The following MAPRE1 variants were observed in gnomAD, a reference collection of about 807,000 sequenced individuals.
The protein encoded by MAPRE1 is microtubule associated protein RP/EB family member 1.
MAPRE1 carries 5 observed loss-of-function variants against 32.1 expected under a neutral mutation model. That is an observed-to-expected ratio of 0.16 (90% CI 0.08 to 0.33). MAPRE1 has a LOEUF of 0.33. Ranked by LOEUF, MAPRE1 falls within the 10% of genes least tolerant of loss-of-function variation. The pLI is 1.00. For synonymous variants in MAPRE1, 122 were observed against 118.9 expected, an observed-to-expected ratio of 1.03 and a Z score of -0.17; for missense variants, 209 against 327.2, an observed-to-expected ratio of 0.64 and a Z score of 2.79.
intron 6 of MAPRE1, among the ~76,000 whole-genome samples, chr20:32,847,643 TA>T (rs1441442082): frequency 1.3e-5 from 2 of 152,226 alleles, no homozygotes; most frequent in Non-Finnish European, 2.9e-5. Flanking sequence ...AACGAAGATA[TA>T]GGGGGTCCTT....
intron 6 of MAPRE1, 40 bp downstream of exon 6, chr20:32,846,810 A>T: frequency 6.2e-7 from 1 of 1,602,440 alleles, no homozygotes; most frequent in Non-Finnish European, 8.5e-7. Context: ...TCCATTTTAC[A>T]TAGAAGGGTT....
chr20:32,820,791 A>AGGGCAGAGGTC (rs11274745), intron 1 of MAPRE1, among the ~76,000 whole-genome samples: 6,848 of 152,186 alleles, frequency 0.045, 187 homozygotes, highest in East Asian at 0.075. Context: ...CGGATGCTGC[A>AGGGCAGAGGTC]GGGCAGAGCT....
rs71190879 is a variant in MAPRE1, at chr20:32,835,364, G to GTTTTTTTTTTTTTTTT, written c.268-1269_268-1254dup. The stretch of plus-strand genomic sequence containing the variant: ...TTTTTGTGTGTGTGTTTTTATTGGT[G>GTTTTTTTTTTTTTTTT]TTTTTTTTTTTTTTTTGAGATGAGG... On this transcript the variant is annotated intron_variant, in intron 3 of 6. Coordinates refer to ENST00000375571, the MANE Select transcript of MAPRE1 (RefSeq NM_012325.3). 2.9e-3 allele frequency among the ~76,000 whole-genome samples: 309 copies of GTTTTTTTTTTTTTTTT among 106,612 alleles called. 74 individuals carry two copies. Among genetic ancestry groups the GTTTTTTTTTTTTTTTT allele is most frequent in the African/African-American group, 0.014 (291 of 21,420 alleles). 69.9% of individuals were successfully genotyped at this position (106,612 alleles called of 152,430 possible). A position where few individuals can be genotyped will look rare whatever the true frequency, so the allele number is the denominator to read the frequency against.
chr20:32,828,716 A>G (rs1415880054), intron 2 of MAPRE1, among the ~76,000 whole-genome samples: 2 of 152,198 alleles, frequency 1.3e-5, no homozygotes, highest in African/African-American at 4.8e-5. Flanking sequence ...CTCCTTTTAC[A>G]GATGAGGAGA....
intron 2 of MAPRE1, among the ~76,000 whole-genome samples, chr20:32,829,230 C>T: frequency 6.6e-6 from 1 of 152,104 alleles, no homozygotes; most frequent in Non-Finnish European, 1.5e-5. Context: ...AGTTTTGTCT[C>T]ATGTCTGCTA....
At chr20:32,826,557 G>C (rs1445088859) in intron 2 of MAPRE1, among the ~76,000 whole-genome samples, 22 of 91,956 alleles carry the variant, frequency 2.4e-4, no homozygotes, top group Middle Eastern at 0.012. Context: ...GATGGGGTCT[G>C]GCGCTATTGC....
rs747882078 is a variant in MAPRE1, at chr20:32,839,755, A to G, written c.496A>G (p.Thr166Ala). The G allele has an allele frequency of 4.3e-6, 7 of 1,614,050 alleles. No individual in the cohort carries two copies. Among genetic ancestry groups the G allele is most frequent in the Non-Finnish European group, 5.9e-6 (7 of 1,180,030 alleles). The change falls in exon 5 of 7, where the codon ACA becomes GCA. Residue 166 changes from threonine (T) to alanine (A), a missense_variant. Physicochemically the swap from Thr to Ala is moderately conservative, Grantham distance 58. Around this residue, in one of 3 missense-constraint regions of MAPRE1, gnomAD observed 106 missense variants for 115.3 expected, o/e 0.92. Transcript: ENST00000375571. ...TTCAGCTCCCCAGAGGCCCATCTCA[A>G]CACAGAGAACCGCTGCGGCTCCTAA... ...SSAAPQRPIS[T>A]QRTAAAPKAG...
intron 2 of MAPRE1, among the ~76,000 whole-genome samples, chr20:32,827,651 C>T (rs1336261317): frequency 1.3e-5 from 2 of 152,020 alleles, no homozygotes; most frequent in Non-Finnish European, 2.9e-5. Context: ...AATCTCAGCA[C>T]TTTGGGAGGC....
At chr20:32,844,538 C>T (rs1164567535) in intron 5 of MAPRE1, among the ~76,000 whole-genome samples, 1 of 140,456 alleles carries the variant, frequency 7.1e-6, no homozygotes, top group Non-Finnish European at 1.5e-5. Flanking sequence ...CCTCAACCTC[C>T]TGAGTAGGTG....
At chr20:32,845,396 G>T (rs1426071896) in intron 5 of MAPRE1, among the ~76,000 whole-genome samples, 1 of 152,176 alleles carries the variant, frequency 6.6e-6, no homozygotes, top group Non-Finnish European at 1.5e-5. Context: ...GCTGGTAAAG[G>T]AATAGTGAAA....
At chr20:32,826,164 C>T in intron 2 of MAPRE1, 116 bp downstream of exon 2, 1 of 878,784 alleles carries the variant, frequency 1.1e-6, no homozygotes. Context: ...TTGTTAGGGC[C>T]ACCCTGTTTC....
intron 1 of MAPRE1, among the ~76,000 whole-genome samples, chr20:32,825,013 A>C (rs113580610): frequency 0.011 from 1,632 of 152,018 alleles, 22 homozygotes; most frequent in African/African-American, 0.036. Flanking sequence ...TTAGCCAGGC[A>C]TGGTGGCATG....
intron 5 of MAPRE1, among the ~76,000 whole-genome samples, chr20:32,844,193 A>C (rs1234187726): frequency 6.6e-6 from 1 of 152,010 alleles, no homozygotes; most frequent in Non-Finnish European, 1.5e-5. Flanking sequence ...TACAGACTTG[A>C]AAGGAGTGCC....
At chr20:32,837,346 C>T (rs539164904) in intron 4 of MAPRE1, among the ~76,000 whole-genome samples, 2 of 151,942 alleles carry the variant, frequency 1.3e-5, no homozygotes, top group South Asian at 4.2e-4. Flanking sequence ...CTCACAGCTT[C>T]CCTACCTGCC....
chr20:32,828,000 C>A (rs1429562965), intron 2 of MAPRE1, among the ~76,000 whole-genome samples: 1 of 149,536 alleles, frequency 6.7e-6, no homozygotes, highest in East Asian at 2.0e-4. Context: ...TAGTCTCGGT[C>A]TTAGTTTCAT....
intron 1 of MAPRE1, among the ~76,000 whole-genome samples, chr20:32,822,592 C>T (rs1982732799): frequency 6.6e-6 from 1 of 152,148 alleles, no homozygotes; most frequent in East Asian, 1.9e-4. Flanking sequence ...TGATGCCATG[C>T]CAAATATTTT....
chr20:32,823,300 G>A (rs746204173), intron 1 of MAPRE1, among the ~76,000 whole-genome samples: 17 of 152,244 alleles, frequency 1.1e-4, no homozygotes, highest in Non-Finnish European at 2.1e-4. Context: ...TCACTAGGTG[G>A]AGGGAACGAA....
At chr20:32,828,719 TGAG>T (rs1328362353) in intron 2 of MAPRE1, among the ~76,000 whole-genome samples, 2 of 152,268 alleles carry the variant, frequency 1.3e-5, no homozygotes, top group Non-Finnish European at 2.9e-5. Flanking sequence ...CTTTTACAGA[TGAG>T]GAGACTAACC....
intron 5 of MAPRE1, among the ~76,000 whole-genome samples, chr20:32,846,114 G>A (rs1983498978): frequency 6.6e-6 from 1 of 152,186 alleles, no homozygotes; most frequent in African/African-American, 2.4e-5. Flanking sequence ...GACTGAGACA[G>A]ATTTCTTCAT....
Sources: allele counts gnomAD v4.1 joint callset (sites outside exome capture counted in the v4.1 genomes callset), GRCh38; gene constraint gnomAD v4.1.1; regional missense constraint gnomAD v4.1.1; transcripts MANE v1.5; gene names NCBI Gene and HGNC (gene_info 2026-07-23, HGNC 2026-07-21).